Variants in RALYL observed in about 807,000 individuals in gnomAD.
RALYL encodes the protein RNA-binding Raly-like protein.
A neutral mutation model predicts 35.1 loss-of-function variants in RALYL; 29 were observed. The ratio of observed to expected loss-of-function variants is 0.83; its 90% CI spans 0.61 to 1.13. RALYL has a LOEUF of 1.13. Among genes scored for constraint, RALYL ranks in the 50% most tolerant of loss-of-function variants. The probability of loss-of-function intolerance (pLI) is 0.00; values close to 1 mark genes in which losing one functional copy is unlikely to be tolerated. For missense variants in RALYL, 359 were observed against 360.4 expected, an observed-to-expected ratio of 1.00 and a Z score of 0.03; for synonymous variants, 120 against 127.6, an observed-to-expected ratio of 0.94 and a Z score of 0.40.
At chr8:84,492,254 C>A (rs2055406670) in intron 1 of RALYL, among the ~76,000 whole-genome samples, 2 of 151,986 alleles carry the variant, frequency 1.3e-5, no homozygotes, top group South Asian at 4.1e-4. Context: ...ACTTTCCATC[C>A]CCAAACCAGA....
At chr8:84,417,334 G>A (rs990367068) in intron 1 of RALYL, among the ~76,000 whole-genome samples, 3 of 152,030 alleles carry the variant, frequency 2.0e-5, no homozygotes, top group African/African-American at 7.2e-5. Context: ...GGGCAAGGTA[G>A]GATCCTCCTT....
chr8:84,734,036 G>A (rs887835395), intron 2 of RALYL, among the ~76,000 whole-genome samples: 1 of 152,148 alleles, frequency 6.6e-6, no homozygotes, highest in Non-Finnish European at 1.5e-5. Context: ...TTCACGTGGG[G>A]CTATGGCTGC....
intron 2 of RALYL, among the ~76,000 whole-genome samples, chr8:84,590,126 TC>T (rs1312038825): frequency 1.3e-5 from 2 of 152,184 alleles, no homozygotes; most frequent in African/African-American, 4.8e-5. Context: ...TTTATCATAC[TC>T]CTAAAAATAG....
intron 1 of RALYL, among the ~76,000 whole-genome samples, chr8:84,190,964 G>T (rs1367839605): frequency 6.6e-6 from 1 of 151,538 alleles, no homozygotes; most frequent in Admixed American, 6.6e-5. Flanking sequence ...AGTATGTGGG[G>T]TGTGTGTGTG....
At chr8:84,833,667 G>C (rs1831381644) in intron 4 of RALYL, among the ~76,000 whole-genome samples, 1 of 149,680 alleles carries the variant, frequency 6.7e-6, no homozygotes, top group African/African-American at 2.5e-5. Flanking sequence ...AAGAAAGAAA[G>C]ATTTCATTAT....
At position 84,304,382 on chromosome 8, in the gene RALYL, G is replaced by A. The variant is rs1329164367; in HGVS notation, c.-24+119958G>A. ...TCTGCCCGTCTCTGCCTCCCTAAAG[G>A]TTTATTTTTTAATCCAAATCCGTTT... On this transcript the variant is annotated intron_variant, in intron 1 of 8. Transcript: ENST00000521268. 2.6e-5 allele frequency among the ~76,000 whole-genome samples: 4 copies of A among 152,054 alleles called. No homozygotes were observed. In the South Asian group the frequency reaches 8.3e-4, roughly 32 times the overall value.
At chr8:84,411,208 G>A (rs1029229879) in intron 1 of RALYL, among the ~76,000 whole-genome samples, 10 of 151,756 alleles carry the variant, frequency 6.6e-5, no homozygotes, top group Admixed American at 5.3e-4. Flanking sequence ...CTACCCCAAT[G>A]TCTGCTTTCT....
intron 1 of RALYL, among the ~76,000 whole-genome samples, chr8:84,425,952 T>A (rs562977456): frequency 4.7e-4 from 71 of 152,214 alleles, no homozygotes; most frequent in African/African-American, 1.6e-3. Flanking sequence ...ATAAAGAGTA[T>A]ATATATTATC....
chr8:84,545,448 A>T (rs2135337584), intron 2 of RALYL, among the ~76,000 whole-genome samples: 1 of 152,300 alleles, frequency 6.6e-6, no homozygotes, highest in Admixed American at 6.5e-5. Context: ...AAATTTTTAG[A>T]TACAGAACAA....
chr8:84,328,645 A>T (rs1297314977), intron 1 of RALYL, among the ~76,000 whole-genome samples: 1 of 152,082 alleles, frequency 6.6e-6, no homozygotes, highest in Non-Finnish European at 1.5e-5. Flanking sequence ...TTGGGGGTAC[A>T]TGTGCTGGTT....
intron 4 of RALYL, chr8:84,828,862 A>G (rs17735742): frequency 0.011 from 1,723 of 153,554 alleles, 8 homozygotes; most frequent in Middle Eastern, 0.041. Context: ...CAACTGTAAC[A>G]TAATGAACCA....
At chr8:84,287,005 C>A (rs1474244337) in intron 1 of RALYL, among the ~76,000 whole-genome samples, 1 of 152,210 alleles carries the variant, frequency 6.6e-6, no homozygotes, top group Non-Finnish European at 1.5e-5. Context: ...GACCAAACTT[C>A]TTGTGACTCT....
chr8:84,474,725 C>T (rs1182016394), intron 1 of RALYL, among the ~76,000 whole-genome samples: 1 of 152,058 alleles, frequency 6.6e-6, no homozygotes, highest in Non-Finnish European at 1.5e-5. Flanking sequence ...TCAAATTTTT[C>T]TGCTAAGAAA....
chr8:84,272,942 ATAGAGATG>A (rs1442424802), intron 1 of RALYL, among the ~76,000 whole-genome samples: 5 of 152,218 alleles, frequency 3.3e-5, no homozygotes, highest in African/African-American at 1.2e-4. Flanking sequence ...AGATACATGT[ATAGAGATG>A]TAGAGATGTA....
At chr8:84,813,550 T>C (rs1248483880) in intron 4 of RALYL, among the ~76,000 whole-genome samples, 2 of 152,284 alleles carry the variant, frequency 1.3e-5, no homozygotes, top group South Asian at 2.1e-4. Flanking sequence ...ATTGAATTTG[T>C]CCACAGCACA....
At chr8:84,599,415 T>C (rs1454420134) in intron 2 of RALYL, among the ~76,000 whole-genome samples, 3 of 151,990 alleles carry the variant, frequency 2.0e-5, no homozygotes, top group Non-Finnish European at 4.4e-5. Flanking sequence ...AAAATAAAAA[T>C]TCAAGATAAT....
intron 6 of RALYL, among the ~76,000 whole-genome samples, chr8:84,869,200 A>G (rs999131687): frequency 2.0e-5 from 3 of 152,182 alleles, no homozygotes; most frequent in African/African-American, 7.2e-5. Flanking sequence ...TAGAATTGAA[A>G]GTAAGAAAAT....
chr8:84,781,809 T>C (rs1312356097), intron 3 of RALYL, among the ~76,000 whole-genome samples: 1 of 152,156 alleles, frequency 6.6e-6, no homozygotes, highest in Non-Finnish European at 1.5e-5. Context: ...AACTTAGCCA[T>C]GTGATTCATG....
At chr8:84,346,754 A>T (rs1849908804) in intron 1 of RALYL, among the ~76,000 whole-genome samples, 1 of 152,104 alleles carries the variant, frequency 6.6e-6, no homozygotes, top group African/African-American at 2.4e-5. Flanking sequence ...TTACAGGCCT[A>T]TGAGTATTTT....
Sources: allele counts gnomAD v4.1 joint callset (sites outside exome capture counted in the v4.1 genomes callset), GRCh38; gene constraint gnomAD v4.1.1; transcripts MANE v1.5; gene names NCBI Gene and HGNC (gene_info 2026-07-23, HGNC 2026-07-21).